The following PAWR variants were observed in gnomAD, a reference collection of about 807,000 sequenced individuals.
PAWR encodes the protein pro-apoptotic WT1 regulator, also known as PRKC apoptosis WT1 regulator protein.
Under a neutral mutation model 32.0 loss-of-function variants are expected in PAWR, and 23 were observed. The ratio of observed to expected loss-of-function variants is 0.72; its 90% CI spans 0.52 to 1.02. The LOEUF (loss-of-function observed/expected upper bound fraction) is 1.02, where lower values mean the gene tolerates loss of function less well. Ranked by LOEUF, PAWR falls within the 50% of genes least tolerant of loss-of-function variation. PAWR has a pLI of 0.00. For synonymous variants in PAWR, 226 were observed against 187.1 expected, an observed-to-expected ratio of 1.21 and a Z score of -1.70; for missense variants, 457 against 437.7, an observed-to-expected ratio of 1.04 and a Z score of -0.39.
At chr12:79,664,325 A>T (rs1239317725) in intron 2 of PAWR, among the ~76,000 whole-genome samples, 3 of 151,822 alleles carry the variant, frequency 2.0e-5, no homozygotes, top group Non-Finnish European at 2.9e-5. Context: ...CCTCTGCAAA[A>T]CCCTCCCTCA....
At position 79,632,336 on chromosome 12, in the gene PAWR, T is replaced by C. The variant is rs867617671; in HGVS notation, c.517-11129A>G. Among the ~76,000 whole-genome samples, 65 of 57,518 alleles carry C rather than the reference T, an allele frequency of 1.1e-3. 6 individuals are homozygous for C. Among genetic ancestry groups the C allele is most frequent in the South Asian group, 3.1e-3 (6 of 1,916 alleles). 37.7% of individuals were successfully genotyped at this position (57,518 alleles called of 152,430 possible). A position where few individuals can be genotyped will look rare whatever the true frequency, so the allele number is the denominator to read the frequency against. On this transcript the variant is annotated intron_variant, in intron 2 of 6. Coordinates refer to ENST00000328827, the MANE Select transcript of PAWR (RefSeq NM_002583.4). ...ACATATATATATATATATATATATATATATATATATATATATATATATATA... is the reference window on the plus strand; with the variant it reads ...ACATATATATATATATATATATATACATATATATATATATATATATATATA...
At chr12:79,642,030 C>T (rs531148240) in intron 2 of PAWR, among the ~76,000 whole-genome samples, 6 of 151,736 alleles carry the variant, frequency 4.0e-5, no homozygotes, top group African/African-American at 1.2e-4. Context: ...TGATTGAAAA[C>T]ATACCATTAT....
chr12:79,631,512 G>A (rs986977883), intron 2 of PAWR, among the ~76,000 whole-genome samples: 4 of 151,936 alleles, frequency 2.6e-5, no homozygotes. Flanking sequence ...TTATATAATG[G>A]CAACCAATAA....
At chr12:79,627,480 C>T (rs1875393738) in intron 2 of PAWR, among the ~76,000 whole-genome samples, 1 of 152,062 alleles carries the variant, frequency 6.6e-6, no homozygotes, top group Non-Finnish European at 1.5e-5. Context: ...ATTGTAGGTT[C>T]TGGATATTAG....
intron 2 of PAWR, among the ~76,000 whole-genome samples, chr12:79,650,836 C>T (rs1876810149): frequency 1.3e-5 from 2 of 151,032 alleles, no homozygotes; most frequent in South Asian, 4.2e-4. Flanking sequence ...AGTTAATCTT[C>T]TTTTTAACAG....
chr12:79,594,447 T>C lies in PAWR; in HGVS notation c.832-14A>G, dbSNP rs1441799821. The C allele has an allele frequency of 8.2e-7, 1 of 1,214,260 alleles. No homozygotes were observed. Among genetic ancestry groups the C allele is most frequent in the Non-Finnish European group, 1.2e-6 (1 of 833,522 alleles). The allele number at this position is 1,214,260 out of a possible 1,614,324, so 75.2% of individuals were successfully genotyped here. ...TCTTACTACTTCCTGGTAGATACAATTAAAAACCAGTAATTAGGAAGTAAT... is the reference window on the plus strand; with the variant it reads ...TCTTACTACTTCCTGGTAGATACAACTAAAAACCAGTAATTAGGAAGTAAT... On this transcript the variant is annotated splice_polypyrimidine_tract_variant and intron_variant, in intron 5 of 6. Coordinates refer to ENST00000328827, the MANE Select transcript of PAWR (RefSeq NM_002583.4).
intron 5 of PAWR, 86 bp from the exon 6 acceptor site, chr12:79,594,519 T>C: frequency 1.5e-6 from 1 of 654,948 alleles, no homozygotes; most frequent in Non-Finnish European, 2.7e-6. Flanking sequence ...CCCAATTTGG[T>C]AAAATATCTT....
chr12:79,611,887 T>C (rs1318863785), intron 4 of PAWR, among the ~76,000 whole-genome samples: 2 of 152,134 alleles, frequency 1.3e-5, no homozygotes, highest in African/African-American at 2.4e-5. Flanking sequence ...ATAAAGCTTT[T>C]GATAGGATTT....
chr12:79,613,931 TTATATATATATATATATATATA>T (rs71445219), intron 3 of PAWR, among the ~76,000 whole-genome samples: 2,519 of 46,704 alleles, frequency 0.054, 239 homozygotes, highest in African/African-American at 0.15. Context: ...AGTACCACCA[TTATATATATATATATATATATA>T]TATATATATA....
chr12:79,643,149 T>G (rs1876411174), intron 2 of PAWR, among the ~76,000 whole-genome samples: 1 of 152,156 alleles, frequency 6.6e-6, no homozygotes, highest in African/African-American at 2.4e-5. Context: ...TTTTACTCAC[T>G]AGTACCTTCA....
chr12:79,676,842 G>A (rs1308655058), intron 2 of PAWR, among the ~76,000 whole-genome samples: 1 of 152,074 alleles, frequency 6.6e-6, no homozygotes, highest in African/African-American at 2.4e-5. Context: ...CTTCACCTGT[G>A]CATTTCTTAT....
chr12:79,670,870 T>C (rs2136851147), intron 2 of PAWR, among the ~76,000 whole-genome samples: 1 of 151,128 alleles, frequency 6.6e-6, no homozygotes, highest in Non-Finnish European at 1.5e-5. Context: ...CCACTTTTTT[T>C]TTAGGGGTTT....
At chr12:79,594,306 C>T in intron 6 of PAWR, 23 bp downstream of exon 6, 1 of 1,067,338 alleles carries the variant, frequency 9.4e-7, no homozygotes, top group Non-Finnish European at 1.4e-6. Flanking sequence ...CCCTCCAAAC[C>T]TGAAATATGG....
chr12:79,595,155 C>G (rs1873702776), intron 5 of PAWR, among the ~76,000 whole-genome samples: 1 of 152,150 alleles, frequency 6.6e-6, no homozygotes, highest in Non-Finnish European at 1.5e-5. Flanking sequence ...AATAGAAACT[C>G]TAAACAGAAA....
chr12:79,614,773 AAAAGAGTAAAT>A (rs1874644436), intron 3 of PAWR, among the ~76,000 whole-genome samples: 1 of 152,234 alleles, frequency 6.6e-6, no homozygotes, highest in Admixed American at 6.5e-5. Flanking sequence ...GTTCCAGAGT[AAAAGAGTAAAT>A]ACTGACTGCA....
intron 2 of PAWR, among the ~76,000 whole-genome samples, chr12:79,638,701 G>GCATT (rs1183850902): frequency 6.6e-6 from 1 of 150,384 alleles, no homozygotes; most frequent in African/African-American, 2.4e-5. Flanking sequence ...CTGGAGTACA[G>GCATT]CATTCCCTCA....
chr12:79,639,065 A>G (rs71463828), intron 2 of PAWR, among the ~76,000 whole-genome samples: 1 of 149,742 alleles, frequency 6.7e-6, no homozygotes, highest in South Asian at 2.1e-4. Flanking sequence ...GGCGCATGCC[A>G]CCACGCACAG....
chr12:79,612,732 T>C (rs1226825811), intron 4 of PAWR, among the ~76,000 whole-genome samples: 3 of 152,180 alleles, frequency 2.0e-5, no homozygotes, highest in African/African-American at 7.2e-5. Flanking sequence ...ATTCTAGGAT[T>C]ATTAGCGCAA....
intron 2 of PAWR, among the ~76,000 whole-genome samples, chr12:79,671,742 G>T (rs1877912465): frequency 6.6e-6 from 1 of 151,954 alleles, no homozygotes; most frequent in African/African-American, 2.4e-5. Flanking sequence ...AAAATGTTAA[G>T]ATTATTTATA....
Sources: gnomAD v4.1 joint callset for allele counts (sites outside exome capture counted in the v4.1 genomes callset) on GRCh38, gnomAD v4.1.1 for gene constraint, MANE v1.5 for transcripts, NCBI Gene and HGNC (gene_info 2026-07-23, HGNC 2026-07-21) for gene names.